Variants in ZNF541 observed in about 807,000 individuals in gnomAD.
ZNF541 encodes zinc finger protein 541.
A neutral mutation model predicts 123.5 loss-of-function variants in ZNF541; 23 were observed. The ratio of observed to expected loss-of-function variants is 0.19; its 90% CI spans 0.13 to 0.26. The LOEUF is 0.26. Among genes scored for constraint, ZNF541 ranks in the 10% least tolerant of loss-of-function variants. ZNF541 has a pLI of 1.00. For missense variants in ZNF541, 1,612 were observed against 1,789.9 expected (o/e 0.90, Z 1.79); for synonymous variants, 751 against 754.5 (o/e 1.00, Z 0.08).
Position 47,555,728 on chromosome 19 carries a change from G to A in ZNF541, c.129C>T (p.Gly43=), listed in dbSNP as rs1970792751. Residue 43 remains glycine (G), a synonymous_variant, in exon 3 of 17, where the codon GGC becomes GGT. Transcript: ENST00000391901. ...LNRDLGPNTR[G]FLYAGLSGLD... is the part of the protein sequence containing the mutation. ...GACCACTCAGGCCAGCATAAAGAAA[G>A]CCTCGCGTGTTGGGACCCAAATCCC... is the stretch of plus-strand genomic sequence containing the variant. 3.2e-6 allele frequency: 5 copies of A among 1,551,632 alleles called. No individual in the cohort carries two copies. In the South Asian group the frequency reaches 5.9e-5, roughly 18 times the overall value.
In ZNF541 at chr19:47,549,318, A is replaced by T. The variant is rs1339767848; in HGVS notation, c.475T>A (p.Tyr159Asn). 6.4e-7 allele frequency: 1 copy of T among 1,551,834 alleles called. No homozygotes were observed. Among genetic ancestry groups the T allele is most frequent in the East Asian group, 2.4e-5 (1 of 40,924 alleles). ...TTCCTTTCCTGGCTGTGTGTCAGGT[A>T]GTGCTTGCTCAGAGAACTGGCGCTG... Reference protein sequence around the residue: ...FSSASSLSKHYLTHSQERKHV... With the variant: ...FSSASSLSKHNLTHSQERKHV... The change falls in exon 4 of 17, where the codon TAC (tyrosine) becomes AAC (asparagine). Residue 159 changes from tyrosine to asparagine, a missense_variant. Around this residue, in one of 5 missense-constraint regions of ZNF541, gnomAD observed 212 missense variants for 289.6 expected, o/e 0.73. Transcript: ENST00000391901.
intron 3 of ZNF541, among the ~76,000 whole-genome samples, chr19:47,550,434 GAAAA>G (rs1250200713): frequency 1.3e-5 from 2 of 149,958 alleles, no homozygotes; most frequent in East Asian, 3.9e-4. Context: ...AAAAAGAAAG[GAAAA>G]GAAAGAAAGA....
chr19:47,531,730 T>C lies in ZNF541; in HGVS notation c.3317A>G (p.Asn1106Ser). The change falls in exon 12 of 17, where the codon AAT (asparagine) becomes AGT (serine). Residue 1106 changes from asparagine to serine, a missense_variant. Transcript: ENST00000391901. Reference sequence around the variant, plus strand: ...TGGCATCACGCTGGAGCATGCCACATTGCAGAGCTCGGTCACTGTTTCCAA... The same window carrying C: ...TGGCATCACGCTGGAGCATGCCACACTGCAGAGCTCGGTCACTGTTTCCAA... ...ETQDRVTELC[N>S]VACSSVMPGG... 6.5e-7 allele frequency: 1 copy of C among 1,545,734 alleles called. No homozygotes were observed. Among genetic ancestry groups the C allele is most frequent in the Non-Finnish European group, 8.8e-7 (1 of 1,142,430 alleles).
chr19:47,552,742 CAAAAAAAAAAAAAA>C (rs573248609), intron 3 of ZNF541, among the ~76,000 whole-genome samples: 342 of 26,144 alleles, frequency 0.013, 13 homozygotes, highest in African/African-American at 0.034. Context: ...GACTCCATCT[CAAAAAAAAAAAAAA>C]AAAAAAAAAA....
In ZNF541 at chr19:47,573,092, G is replaced by A. The variant is rs543213870; in HGVS notation, c.-255C>T. ...AGCAACCGGGTTTTACCCGCCCCCG[G>A]GGGCTCGCGCGCCGGGCCTCGCGCC... On this transcript the variant is annotated 5_prime_UTR_variant, in exon 1 of 17. Coordinates refer to ENST00000391901, the MANE Select transcript of ZNF541 (RefSeq NM_001277075.3). Among the ~76,000 whole-genome samples, 2 of 150,464 alleles carry A rather than the reference G, an allele frequency of 1.3e-5. No individual in the cohort carries two copies. The highest frequency in any genetic ancestry group is 1.9e-4 in the East Asian group (1 of 5,138).
intron 14 of ZNF541, among the ~76,000 whole-genome samples, chr19:47,528,498 G>C (rs1969414277): frequency 1.3e-5 from 2 of 151,590 alleles, no homozygotes; most frequent in South Asian, 4.2e-4. Context: ...TGTATTTTTA[G>C]TAGAGACAGG....
intron 4 of ZNF541, among the ~76,000 whole-genome samples, chr19:47,548,754 T>C (rs1249891390): frequency 6.6e-6 from 1 of 152,050 alleles, no homozygotes; most frequent in Non-Finnish European, 1.5e-5. Flanking sequence ...CAGCGCCCAC[T>C]CTCTTCCCTG....
Position 47,539,805 on chromosome 19 carries a change from C to G in ZNF541, c.2696G>C (p.Gly899Ala). ...RPEGDRHSPP[G>A]TKKPLDPTAA... ...TGTGGGGTCCAAGGGCTTCTTGGTT[C>G]CTGGGGGACTATGCCTGTCCCCTTC... The change falls in exon 8 of 17, where the codon GGA (glycine) becomes GCA (alanine). Residue 899 changes from glycine to alanine, a missense_variant. Around this residue, in one of 5 missense-constraint regions of ZNF541, gnomAD observed 1,080 missense variants for 1,013.8 expected, o/e 1.07. Transcript: ENST00000391901. 1 of 1,488,466 alleles carries G rather than the reference C, an allele frequency of 6.7e-7. No individual in the cohort carries two copies. The highest frequency in any genetic ancestry group is 8.9e-7 in the Non-Finnish European group (1 of 1,127,424). 92.2% of individuals were successfully genotyped at this position (1,488,466 alleles called of 1,614,324 possible).
chr19:47,548,406 G>T (rs1295918942), intron 4 of ZNF541, among the ~76,000 whole-genome samples: 1 of 132,576 alleles, frequency 7.5e-6, no homozygotes, highest in African/African-American at 2.9e-5. Flanking sequence ...TCGTGCCACT[G>T]CACTCCAGCC....
At chr19:47,569,696 G>A (rs375497362) in intron 2 of ZNF541, among the ~76,000 whole-genome samples, 187 of 151,636 alleles carry the variant, frequency 1.2e-3, no homozygotes, top group African/African-American at 3.3e-3. Context: ...GATCCCCGCC[G>A]CCCCCCACCC....
intron 5 of ZNF541, among the ~76,000 whole-genome samples, 170 bp downstream of exon 5, chr19:47,543,956 G>A (rs1009456198): frequency 6.6e-6 from 1 of 151,580 alleles, no homozygotes; most frequent in Non-Finnish European, 1.5e-5. Flanking sequence ...GCCTCATTCT[G>A]GTCTTTTTTT....
rs985351441 is a variant in ZNF541, at chr19:47,526,438, C to T, written c.3570+2512G>A. Among the ~76,000 whole-genome samples, 6 of 148,754 alleles carry T rather than the reference C, an allele frequency of 4.0e-5. No individual in the cohort carries two copies. In the East Asian group the frequency reaches 7.9e-4, roughly 20 times the overall value. On this transcript the variant is annotated intron_variant, in intron 14 of 16. Coordinates refer to ENST00000391901, the MANE Select transcript of ZNF541 (RefSeq NM_001277075.3). The stretch of plus-strand genomic sequence containing the variant: ...CAGAGGTTGCAGTGAGCATGGATTG[C>T]GCCACTGCATTCCAGCCTGGGCAAC...
chr19:47,543,419 C>T (rs1234048992), intron 5 of ZNF541, among the ~76,000 whole-genome samples: 1 of 152,102 alleles, frequency 6.6e-6, no homozygotes, highest in East Asian at 1.9e-4. Context: ...AAGTGTGGGG[C>T]ACGATGCAGG....
intron 2 of ZNF541, among the ~76,000 whole-genome samples, chr19:47,569,929 C>A (rs558129253): frequency 2.0e-5 from 3 of 151,872 alleles, no homozygotes; most frequent in Non-Finnish European, 4.4e-5. Flanking sequence ...AAGACTCCCT[C>A]CTATAGTCTT....
At chr19:47,559,588 G>A (rs1226200579) in intron 2 of ZNF541, among the ~76,000 whole-genome samples, 5 of 152,028 alleles carry the variant, frequency 3.3e-5, no homozygotes, top group African/African-American at 1.2e-4. Flanking sequence ...ACAGGCTCAC[G>A]CCTGTAATCG....
chr19:47,534,541 CT>C (rs1369396011), intron 9 of ZNF541, among the ~76,000 whole-genome samples: 2 of 151,956 alleles, frequency 1.3e-5, no homozygotes, highest in Non-Finnish European at 2.9e-5. Flanking sequence ...ATCCCAGCTA[CT>C]CGGGAGGCTG....
intron 3 of ZNF541, among the ~76,000 whole-genome samples, chr19:47,555,173 T>C (rs1568513212): frequency 6.7e-6 from 1 of 149,772 alleles, no homozygotes; most frequent in Non-Finnish European, 1.5e-5. Flanking sequence ...ATCAAGACCA[T>C]CCTGGCTAAT....
Position 47,544,741 on chromosome 19 carries a change from C to T in ZNF541, c.1788G>A (p.Pro596=). Residue 596 remains proline (P), a synonymous_variant, in exon 5 of 17, where the codon CCG becomes CCA. Transcript: ENST00000391901. The stretch of plus-strand genomic sequence containing the variant: ...CCAGTGGTGGGGGCTGCTGCGGCCA[C>T]GGCCCCTGCAGCGGCCTCAGGGCGG... The part of the protein sequence containing the change: ...KPAALRPLQG[P]WPQQPPPLAP... 6.7e-7 allele frequency: 1 copy of T among 1,499,826 alleles called. No individual in the cohort carries two copies. The highest frequency in any genetic ancestry group is 8.9e-7 in the Non-Finnish European group (1 of 1,126,986). 92.9% of individuals were successfully genotyped at this position (1,499,826 alleles called of 1,614,324 possible).
chr19:47,554,958 G>A (rs1439269345), intron 3 of ZNF541, among the ~76,000 whole-genome samples: 2 of 151,972 alleles, frequency 1.3e-5, no homozygotes, highest in Non-Finnish European at 1.5e-5. Flanking sequence ...GCCGGGCATG[G>A]TGGCAGGCGC....
Sources: allele counts gnomAD v4.1 joint callset (sites outside exome capture counted in the v4.1 genomes callset), GRCh38; gene constraint gnomAD v4.1.1; regional missense constraint gnomAD v4.1.1; transcripts MANE v1.5; gene names NCBI Gene and HGNC (gene_info 2026-07-23, HGNC 2026-07-21).